GLB1L: variants seen among roughly 807,000 people sequenced by gnomAD.
The protein encoded by GLB1L is beta-galactosidase-1-like protein.
GLB1L carries 58 observed loss-of-function variants against 75.7 expected under a neutral mutation model. The ratio of observed to expected loss-of-function variants is 0.77; its 90% confidence interval spans 0.62 to 0.95. The LOEUF (loss-of-function observed/expected upper bound fraction) is 0.95. Ranked by LOEUF, GLB1L falls within the 40% of genes least tolerant of loss-of-function variation. The pLI is 0.00. For missense variants in GLB1L, 797 were observed against 805.5 expected, an observed-to-expected ratio of 0.99 and a Z score of 0.13; for synonymous variants, 296 against 303.0, an observed-to-expected ratio of 0.98 and a Z score of 0.24.
intron 1 of GLB1L, 26 bp downstream of exon 1, chr2:219,245,203 A>G (rs917656023): frequency 1.3e-5 from 2 of 152,234 alleles, no homozygotes; most frequent in Non-Finnish European, 2.9e-5. Flanking sequence ...TCTGCCCCAG[A>G]GCGCCAGAGG....
Position 219,238,757 on chromosome 2 carries a change from G to C in GLB1L, c.1085C>G (p.Pro362Arg), listed in dbSNP as rs953425075. 1.2e-6 allele frequency: 2 copies of C among 1,613,844 alleles called. No homozygotes were observed. The highest frequency in any genetic ancestry group is 1.7e-6 in the Non-Finnish European group (2 of 1,179,880). The change falls in exon 12 of 17, where the codon CCT (proline) becomes CGT (arginine). Residue 362 changes from proline to arginine, a missense_variant. Coordinates refer to ENST00000295759, the MANE Select transcript of GLB1L (RefSeq NM_001286423.2). ...ISKFQEVPLG[P>R]LPPPSPKMML... ...CATCTTGGGGCTCGGGGGAGGTAAA[G>C]GTCCCAAAGGAACTTCCTGGAACTG...
chr2:219,239,086 G>C lies in GLB1L; in HGVS notation c.1062+6C>G, dbSNP rs1293893067. ...GCCTTTGGAGCTTAATGAAATGGTA[G>C]GGTACCTTGCTGATGACATCTCGAA... On this transcript the variant is annotated splice_donor_region_variant and intron_variant, in intron 11 of 16. Transcript: ENST00000295759. The C allele has an allele frequency of 6.4e-7, 1 of 1,566,700 alleles. No homozygotes were observed. The highest frequency in any genetic ancestry group is 2.2e-5 in the East Asian group (1 of 44,670).
In GLB1L at chr2:219,238,328, G is replaced by A. The variant is rs1182950070; in HGVS notation, c.1263C>T (p.Thr421=). 2 of 1,612,378 alleles carry A rather than the reference G, an allele frequency of 1.2e-6. No individual in the cohort carries two copies. The part of the protein sequence containing the change: ...HGFMLYRTYM[T]HTIFEPTPFW... ...ATGGTGTTGGCTCAAAAATGGTATG[G>A]GTCATATAGGTTCGGTACAACATGA... Residue 421 remains threonine, a synonymous_variant, in exon 14 of 17, where the codon ACC becomes ACT. Coordinates refer to ENST00000295759, the MANE Select transcript of GLB1L (RefSeq NM_001286423.2).
At position 219,238,520 on chromosome 2, in the gene GLB1L, G is replaced by T. The variant is rs780637120; in HGVS notation, c.1202C>A (p.Pro401Gln). 1 of 1,613,994 alleles carries T rather than the reference G, an allele frequency of 6.2e-7. No homozygotes were observed. The highest frequency in any genetic ancestry group is 1.3e-5 in the African/African-American group (1 of 74,920). Reference protein sequence around the residue: ...CPRGPIHSILPMTFEAVKQDH... With the variant: ...CPRGPIHSILQMTFEAVKQDH... ...CTGCTTGACAGCCTCAAAGGTCATT[G>T]GCAAGATTGAATGAATGGGCCCACG... Residue 401 changes from proline to glutamine, a missense_variant, in exon 13 of 17, where the codon CCA becomes CAA. Physicochemically the swap from Pro to Gln is moderately conservative, Grantham distance 76. Transcript: ENST00000295759.
In GLB1L at chr2:219,238,705, C is replaced by G; in HGVS notation, c.1137G>C (p.Leu379=). The G allele has an allele frequency of 6.2e-7, 1 of 1,613,698 alleles. No individual in the cohort carries two copies. The highest frequency in any genetic ancestry group is 8.5e-7 in the Non-Finnish European group (1 of 1,179,812). Residue 379 remains leucine, a splice_region_variant and synonymous_variant, in exon 12 of 17, where the codon CTG becomes CTC. Transcript: ENST00000295759. ...KMMLGPVTLH[L]VGHLLAFLDL... ...AGAGAAAAGATGTGGAGGAACTTAC[C>G]AGGTGCAGAGTCACAGGTCCAAGCA...
At position 219,239,851 on chromosome 2, in the gene GLB1L, A is replaced by G; in HGVS notation, c.722-18T>C. On this transcript the variant is annotated intron_variant, in intron 7 of 16. Transcript: ENST00000295759. ...GTTGTCAGCTGCGGAAAGGAGGCAA[A>G]AGAAAAAGATAAATGTCGTGGAAGA... is the stretch of plus-strand genomic sequence containing the variant. 1 of 1,614,186 alleles carries G rather than the reference A, an allele frequency of 6.2e-7. No individual in the cohort carries two copies. Among genetic ancestry groups the G allele is most frequent in the Non-Finnish European group, 8.5e-7 (1 of 1,180,030 alleles).
chr2:219,243,101 G>C, intron 3 of GLB1L, 47 bp downstream of exon 3: 1 of 1,564,286 alleles, frequency 6.4e-7, no homozygotes, highest in Non-Finnish European at 8.7e-7. Flanking sequence ...GGGGGCGGTA[G>C]AAAAAGTAGA....
In GLB1L at chr2:219,243,267, G is replaced by C. The variant is rs147771453; in HGVS notation, c.120C>G (p.Leu40=). 23 of 1,613,426 alleles carry C rather than the reference G, an allele frequency of 1.4e-5. No individual in the cohort carries two copies. The African/African-American group carries it at 1.9e-4, about 13-fold the overall frequency. The change falls in exon 3 of 17, where the codon CTC becomes CTG. Residue 40 remains leucine (L), a synonymous_variant. Transcript: ENST00000295759. ...FVVDRGHDRF[L]LDGAPFRYVS... ...CATAGCGGAACGGGGCCCCGTCTAG[G>C]AGAAACCGGTCATGACCCCTATCCA...
chr2:219,238,404 A>G, intron 13 of GLB1L, 41 bp from the exon 14 acceptor site: 1 of 1,561,346 alleles, frequency 6.4e-7, no homozygotes, highest in Non-Finnish European at 8.8e-7. Flanking sequence ...AACAGAAATA[A>G]AAGAGGACAC....
rs777884838 is a variant in GLB1L at position 219,242,911 on chromosome 2, G to T, written c.247C>A (p.Pro83Thr). The change falls in exon 4 of 17, where the codon CCC becomes ACC. Residue 83 changes from proline (P) to threonine (T), a missense_variant. Pro to Thr is a conservative substitution (Grantham distance 38, BLOSUM62 -1). Coordinates refer to ENST00000295759, the MANE Select transcript of GLB1L (RefSeq NM_001286423.2). ...GGCTGTGGCTCGTGGTAGTTCCAGG[G>T]CACATAACTGAGAAAGGAAGAGGTT... Reference protein sequence around the residue: ...SGLNAIQFYVPWNYHEPQPGV... With the variant: ...SGLNAIQFYVTWNYHEPQPGV... The T allele has an allele frequency of 1.2e-6, 2 of 1,614,208 alleles. No individual in the cohort carries two copies. The highest frequency in any genetic ancestry group is 1.1e-5 in the South Asian group (1 of 91,084).
chr2:219,244,306 G>A (rs1374834124), intron 1 of GLB1L, among the ~76,000 whole-genome samples: 2 of 152,170 alleles, frequency 1.3e-5, no homozygotes, highest in South Asian at 2.1e-4. Flanking sequence ...GACAGGGAGT[G>A]CCCTGTTCAT....
chr2:219,241,186 C>T (rs1370862418), intron 5 of GLB1L, among the ~76,000 whole-genome samples: 1 of 151,836 alleles, frequency 6.6e-6, no homozygotes, highest in Admixed American at 6.6e-5. Flanking sequence ...CGAGACCATC[C>T]TGGCTAACAC....
rs1402077500 is a variant in GLB1L, at chr2:219,238,233, T to TGGAATTAGGTTCTCACCCC, written c.1339_1341+16dup. 1 of 1,525,914 alleles carries TGGAATTAGGTTCTCACCCC rather than the reference T, an allele frequency of 6.6e-7. No homozygotes were observed. The highest frequency in any genetic ancestry group is 1.2e-5 in the South Asian group (1 of 84,876). The allele number at this position is 1,525,914 out of a possible 1,614,324, so 94.5% of individuals were successfully genotyped here. A position where few individuals can be genotyped will look rare whatever the true frequency, so the allele number is the denominator to read the frequency against. On this transcript the variant is annotated intron_variant, in intron 14 of 16. Coordinates refer to ENST00000295759, the MANE Select transcript of GLB1L (RefSeq NM_001286423.2). ...AGGGAGGAGTTTGGGGCTCACAGCC[T>TGGAATTAGGTTCTCACCCC]GGAATTAGGTTCTCACCCCATCCAC...
chr2:219,237,393 C>A, intron 16 of GLB1L, 46 bp from the exon 17 acceptor site: 1 of 1,602,420 alleles, frequency 6.2e-7, no homozygotes, highest in South Asian at 1.1e-5. Flanking sequence ...AGGGTCAGCT[C>A]TCCAGGGGTA....
At position 219,243,431 on chromosome 2, in the gene GLB1L, G is replaced by A. The variant is rs554338406; in HGVS notation, c.72+71C>T. ...TGCGGGTTGTTTGGTTGTTACTTTG[G>A]ACTTTCTCTCATCCGCTGGATCTGA... is the stretch of plus-strand genomic sequence containing the variant. On this transcript the variant is annotated intron_variant, in intron 2 of 16. Transcript: ENST00000295759. 18 of 1,602,062 alleles carry A rather than the reference G, an allele frequency of 1.1e-5. No homozygotes were observed. In the African/African-American group the frequency reaches 2.0e-4, roughly 18 times the overall value.
At chr2:219,239,729 G>A (rs773898356) in intron 8 of GLB1L, 46 bp downstream of exon 8, 39 of 1,614,064 alleles carry the variant, frequency 2.4e-5, no homozygotes, top group Non-Finnish European at 3.2e-5. Flanking sequence ...AACTGAGCTG[G>A]ACCCATTCCT....
rs1418957648 is a variant in GLB1L, at chr2:219,241,428, GTGTGTGTGTGTGTGTA to G, written c.451+1070_451+1085del. Among the ~76,000 whole-genome samples, 5 of 97,660 alleles carry G rather than the reference GTGTGTGTGTGTGTGTA, an allele frequency of 5.1e-5. No homozygotes were observed. In the East Asian group the frequency reaches 2.0e-3, roughly 40 times the overall value. 64.1% of individuals were successfully genotyped at this position (97,660 alleles called of 152,430 possible). A position where few individuals can be genotyped will look rare whatever the true frequency, so the allele number is the denominator to read the frequency against. On this transcript the variant is annotated intron_variant, in intron 5 of 16. Transcript: ENST00000295759. Reference sequence around the variant, plus strand: ...TATATATATATGTGTGTGTGTGTGTGTGTGTGTGTGTGTGTATATATATATATATATATATATACAT... The same window carrying G: ...TATATATATATGTGTGTGTGTGTGTGTATATATATATATATATATATACAT...
chr2:219,237,899 A>G lies in GLB1L; in HGVS notation c.1400T>C (p.Leu467Pro), dbSNP rs1446165755. ...MRDKLFLTGKLGSKLDILVEN... is the reference protein window; with the variant it reads ...MRDKLFLTGKPGSKLDILVEN... Reference sequence around the variant, plus strand: ...CACCAAGATATCCAGTTTGGACCCCAGTTTCCCCGTCAAAAATAGTTTGTC... The same window carrying G: ...CACCAAGATATCCAGTTTGGACCCCGGTTTCCCCGTCAAAAATAGTTTGTC... Residue 467 changes from leucine to proline, a missense_variant, in exon 15 of 17, where the codon CTG becomes CCG. By Grantham distance (98) the Leu-to-Pro change is moderately conservative (BLOSUM62 -3). Transcript: ENST00000295759. 3 of 1,613,974 alleles carry G rather than the reference A, an allele frequency of 1.9e-6. No homozygotes were observed. Among genetic ancestry groups the G allele is most frequent in the Non-Finnish European group, 2.5e-6 (3 of 1,179,982 alleles).
At chr2:219,243,369 C>G in intron 2 of GLB1L, 55 bp from the exon 3 acceptor site, 1 of 1,590,626 alleles carries the variant, frequency 6.3e-7, no homozygotes, top group Non-Finnish European at 8.6e-7. Context: ...CGTCGAGGGT[C>G]AGCGCCTGCC....
Sources: allele counts gnomAD v4.1 joint callset (sites outside exome capture counted in the v4.1 genomes callset), GRCh38; gene constraint gnomAD v4.1.1; transcripts MANE v1.5; gene names NCBI Gene and HGNC (gene_info 2026-07-23, HGNC 2026-07-21).